The following FANCA variants were observed in gnomAD, a reference collection of about 807,000 sequenced individuals.
FANCA encodes the protein FA complementation group A.
A neutral mutation model predicts 194.3 loss-of-function variants in FANCA; 236 were observed. The ratio of observed to expected loss-of-function variants is 1.21; its 90% CI spans 1.09 to 1.35. The LOEUF is 1.35. Among genes scored for constraint, FANCA ranks in the 40% most tolerant of loss-of-function variants. The probability of loss-of-function intolerance (pLI) is 0.00; values close to 1 mark genes in which losing one functional copy is unlikely to be tolerated. For missense variants in FANCA, 2,628 were observed against 1,813.9 expected (o/e 1.45, Z -8.15); for synonymous variants, 1,014 against 715.8 (o/e 1.42, Z -6.65).
At chr16:89,772,248 T>C (rs1009806350) in intron 22 of FANCA, among the ~76,000 whole-genome samples, 6 of 152,254 alleles carry the variant, frequency 3.9e-5, no homozygotes, top group Admixed American at 3.9e-4. Context: ...TCACCTGACA[T>C]GTATCAACCT....
At chr16:89,813,992 C>A (rs1162253136) in intron 3 of FANCA, among the ~76,000 whole-genome samples, 2 of 152,172 alleles carry the variant, frequency 1.3e-5, no homozygotes, top group Non-Finnish European at 2.9e-5. Context: ...CAGTGAAAAT[C>A]TGTATCATTT....
intron 20 of FANCA, 37 bp from the exon 21 acceptor site, chr16:89,775,852 T>C (rs2039482569): frequency 7.3e-7 from 1 of 1,377,628 alleles, no homozygotes; most frequent in Non-Finnish European, 1.0e-6. Flanking sequence ...AAGTCAGCTA[T>C]GGCTTAAATT....
chr16:89,751,370 T>C (rs2038584107), intron 31 of FANCA, among the ~76,000 whole-genome samples: 1 of 152,124 alleles, frequency 6.6e-6, no homozygotes, highest in South Asian at 2.1e-4. Context: ...CGCACACAGG[T>C]GCACGCTGTC....
chr16:89,815,060 G>A (rs2041050267), intron 2 of FANCA, among the ~76,000 whole-genome samples: 1 of 151,926 alleles, frequency 6.6e-6, no homozygotes, highest in African/African-American at 2.4e-5. Flanking sequence ...TCTTTTTTGA[G>A]AGGGAGTCTC....
chr16:89,759,762 A>G (rs905659764), intron 29 of FANCA, among the ~76,000 whole-genome samples: 2 of 152,156 alleles, frequency 1.3e-5, no homozygotes, highest in African/African-American at 4.8e-5. Context: ...CCCTGTCTCA[A>G]ACAAACAAAC....
At chr16:89,816,007 G>C (rs2041103941) in intron 1 of FANCA, 21 bp from the exon 2 acceptor site, 17 of 1,582,230 alleles carry the variant, frequency 1.1e-5, no homozygotes, top group Non-Finnish European at 1.4e-5. Flanking sequence ...AAGTCGGTTC[G>C]AAACCATCAC....
chr16:89,792,243 C>T (rs1438159172), intron 12 of FANCA, among the ~76,000 whole-genome samples, 175 bp from the exon 13 acceptor site: 1 of 152,184 alleles, frequency 6.6e-6, no homozygotes, highest in Non-Finnish European at 1.5e-5. Flanking sequence ...CAGTGGCCAG[C>T]ACCTGCTTGG....
intron 6 of FANCA, among the ~76,000 whole-genome samples, chr16:89,808,079 C>CAAA (rs527387615): frequency 0.96 from 144,543 of 150,468 alleles, 69,312 homozygotes; most frequent in East Asian, 1. Context: ...AGACAAAAAG[C>CAAA]AAACAAAACC....
intron 14 of FANCA, among the ~76,000 whole-genome samples, chr16:89,787,092 G>C (rs1284718600): frequency 6.6e-6 from 1 of 152,246 alleles, no homozygotes; most frequent in Non-Finnish European, 1.5e-5. Context: ...CATTGTTAGA[G>C]TTGCTGAGAT....
At position 89,815,974 on chromosome 16, in the gene FANCA, T is replaced by C. The variant is rs2041101472; in HGVS notation, c.92A>G (p.Lys31Arg). 3 of 1,613,478 alleles carry C rather than the reference T, an allele frequency of 1.9e-6. No individual in the cohort carries two copies. The highest frequency in any genetic ancestry group is 2.2e-5 in the East Asian group (1 of 44,874). Reference sequence around the variant, plus strand: ...CCTTTCAGGATTATATTTTTCCCTCTTGACCCTTCCCGCTACGGAGAGAAG... The same window carrying C: ...CCTTTCAGGATTATATTTTTCCCTCCTGACCCTTCCCGCTACGGAGAGAAG... ...AWAELLAGRV[K>R]REKYNPERAQ... Residue 31 changes from lysine (K) to arginine (R), a missense_variant, in exon 2 of 43, where the codon AAG becomes AGG. Transcript: ENST00000389301.
At chr16:89,740,307 C>G (rs2062097273) in intron 38 of FANCA, 2 of 591,656 alleles carry the variant, frequency 3.4e-6, no homozygotes, top group Non-Finnish European at 6.0e-6. Flanking sequence ...GCACCCACAC[C>G]AAGGCTGCTG....
chr16:89,773,407 A>T (rs1227175108), intron 21 of FANCA, 23 bp from the exon 22 acceptor site: 9 of 1,501,852 alleles, frequency 6.0e-6, no homozygotes, highest in Non-Finnish European at 8.2e-6. Flanking sequence ...GGAAGAAACC[A>T]GATGGAAAGA....
At chr16:89,739,811 C>A (rs932777662) in intron 39 of FANCA, 183 bp downstream of exon 39, 1 of 1,464,374 alleles carries the variant, frequency 6.8e-7, no homozygotes, top group African/African-American at 1.4e-5. Context: ...CTGGGGTTGA[C>A]CAGTGAGCCA....
intron 27 of FANCA, among the ~76,000 whole-genome samples, chr16:89,765,693 C>CG (rs966358361): frequency 1.3e-5 from 2 of 152,240 alleles, no homozygotes; most frequent in Non-Finnish European, 2.9e-5. Context: ...TCTCTGCCCC[C>CG]GAGGAGATGA....
intron 27 of FANCA, among the ~76,000 whole-genome samples, chr16:89,765,957 G>A (rs561281760): frequency 2.0e-5 from 3 of 152,176 alleles, no homozygotes; most frequent in Non-Finnish European, 2.9e-5. Flanking sequence ...CTTCTCAGTT[G>A]ATTCTAATGT....
Position 89,737,615 on chromosome 16 carries a change from C to A in FANCA, c.*986G>T. 9.1e-7 allele frequency: 1 copy of A among 1,097,044 alleles called. No individual in the cohort carries two copies. Among genetic ancestry groups the A allele is most frequent in the Non-Finnish European group, 1.3e-6 (1 of 795,538 alleles). The allele number at this position is 1,097,044 out of a possible 1,614,324, so 68.0% of individuals were successfully genotyped here. A position where few individuals can be genotyped will look rare whatever the true frequency, so the allele number is the denominator to read the frequency against. On this transcript the variant is annotated 3_prime_UTR_variant, in exon 43 of 43. Transcript: ENST00000389301. ...GAAATGCACACAGCTGATGAAGCCA[C>A]GTGACAGTGTATAAAGCAGTTTAAA... is the stretch of plus-strand genomic sequence containing the variant.
intron 17 of FANCA, among the ~76,000 whole-genome samples, 159 bp from the exon 18 acceptor site, chr16:89,780,116 C>A (rs1265775785): frequency 6.6e-6 from 1 of 152,208 alleles, no homozygotes; most frequent in African/African-American, 2.4e-5. Flanking sequence ...GGCCCTGGAG[C>A]ACTCCAAAAT....
intron 37 of FANCA, among the ~76,000 whole-genome samples, chr16:89,742,473 AC>A (rs2062157496): frequency 6.6e-6 from 1 of 152,040 alleles, no homozygotes; most frequent in African/African-American, 2.4e-5. Flanking sequence ...CATTTAAAAA[AC>A]TGAAATTATT....
chr16:89,794,280 G>T (rs62053702), intron 11 of FANCA, among the ~76,000 whole-genome samples: 9,021 of 152,220 alleles, frequency 0.059, 412 homozygotes, highest in East Asian at 0.22. Flanking sequence ...GGTCAGGCTA[G>T]GTGGCTCACG....
Sources: gnomAD v4.1 joint callset for allele counts (sites outside exome capture counted in the v4.1 genomes callset) on GRCh38, gnomAD v4.1.1 for gene constraint, MANE v1.5 for transcripts, NCBI Gene and HGNC (gene_info 2026-07-23, HGNC 2026-07-21) for gene names.